Variants in ANK1 observed in about 807,000 individuals in gnomAD.
ANK1 encodes ankyrin-1.
Under a neutral mutation model 210.4 loss-of-function variants are expected in ANK1, and 51 were observed. The observed-to-expected ratio is 0.24, with a 90% CI of 0.19 to 0.31. The LOEUF (loss-of-function observed/expected upper bound fraction) is 0.31. Ranked by LOEUF, ANK1 falls within the 10% of genes least tolerant of loss-of-function variation. ANK1 has a pLI of 1.00. For synonymous variants in ANK1, 967 were observed against 1,025.9 expected (o/e 0.94, Z 1.10); for missense variants, 2,051 against 2,504.4 (o/e 0.82, Z 3.86).
chr8:41,717,162 G>A, intron 12 of ANK1, 111 bp from the exon 13 acceptor site: 3 of 1,137,926 alleles, frequency 2.6e-6, no homozygotes, highest in South Asian at 2.5e-5. Context: ...TTGTCCAAGA[G>A]GTGGAGTTGC....
chr8:41,887,031 C>A (rs1432118174), intron 1 of ANK1, among the ~76,000 whole-genome samples: 2 of 152,168 alleles, frequency 1.3e-5, no homozygotes, highest in Non-Finnish European at 2.9e-5. Context: ...CATTCCGTTA[C>A]CTACTTGGCT....
chr8:41,788,096 TG>T (rs1391929437), intron 1 of ANK1, among the ~76,000 whole-genome samples: 2 of 152,194 alleles, frequency 1.3e-5, no homozygotes, highest in East Asian at 3.8e-4. Context: ...ATTCCAATGT[TG>T]TTTAATCAGC....
At chr8:41,820,440 C>T (rs977446661) in intron 1 of ANK1, among the ~76,000 whole-genome samples, 4 of 150,664 alleles carry the variant, frequency 2.7e-5, no homozygotes, top group African/African-American at 9.8e-5. Flanking sequence ...AAGCAATCCT[C>T]CCACCTGGGT....
At chr8:41,782,506 G>C (rs138267525) in intron 1 of ANK1, among the ~76,000 whole-genome samples, 121 of 152,228 alleles carry the variant, frequency 7.9e-4, no homozygotes, top group Non-Finnish European at 1.6e-3. Context: ...TTCCCAGAGG[G>C]AGCAGCGTAC....
chr8:41,880,307 C>T (rs1817353664), intron 1 of ANK1, among the ~76,000 whole-genome samples: 1 of 152,170 alleles, frequency 6.6e-6, no homozygotes, highest in South Asian at 2.1e-4. Flanking sequence ...CTGCCAGGTC[C>T]TGCACAGTAA....
At chr8:41,794,455 G>A (rs551630041) in intron 1 of ANK1, among the ~76,000 whole-genome samples, 25 of 152,192 alleles carry the variant, frequency 1.6e-4, no homozygotes, top group African/African-American at 5.3e-4. Flanking sequence ...TTCAGTTGCA[G>A]AACTCCCCAC....
chr8:41,705,713 C>A (rs1824378401), intron 18 of ANK1, among the ~76,000 whole-genome samples: 1 of 152,204 alleles, frequency 6.6e-6, no homozygotes, highest in Non-Finnish European at 1.5e-5. Flanking sequence ...CACCTCCACA[C>A]CAAACTGCAG....
chr8:41,658,412 G>T (rs990916300), intron 42 of ANK1, among the ~76,000 whole-genome samples: 22 of 152,098 alleles, frequency 1.4e-4, no homozygotes, highest in African/African-American at 4.8e-4. Flanking sequence ...CCTTTTTCTT[G>T]AAGTGTAGCA....
chr8:41,747,498 C>T (rs1048209645), intron 2 of ANK1, among the ~76,000 whole-genome samples: 6 of 152,138 alleles, frequency 3.9e-5, no homozygotes, highest in African/African-American at 1.2e-4. Flanking sequence ...CATTTATCTG[C>T]GCTTGTGCCT....
rs186477763 is a variant in ANK1 at position 41,813,767 on chromosome 8, C to T, written c.127-55630G>A. ...TACCTGTAGATTGGGGTGAATTCCT[C>T]TCTTTTCAAGATCCCTAAAATATTC... On this transcript the variant is annotated intron_variant, in intron 1 of 42. Transcript: ENST00000265709. 2.5e-3 allele frequency among the ~76,000 whole-genome samples: 378 copies of T among 152,310 alleles called. 2 individuals are homozygous for T. The highest frequency in any genetic ancestry group is 8.7e-3 in the African/African-American group (362 of 41,568).
intron 15 of ANK1, among the ~76,000 whole-genome samples, 191 bp from the exon 16 acceptor site, chr8:41,714,445 A>C (rs74771278): frequency 6.6e-6 from 1 of 152,038 alleles, no homozygotes; most frequent in Non-Finnish European, 1.5e-5. Flanking sequence ...ACAGGGGGGA[A>C]CGTGGGCAGT....
intron 1 of ANK1, among the ~76,000 whole-genome samples, chr8:41,882,716 G>C (rs1051141954): frequency 3.9e-5 from 6 of 152,254 alleles, no homozygotes; most frequent in Admixed American, 6.5e-5. Context: ...GCACCCCACA[G>C]AACATCGCCA....
Position 41,672,583 on chromosome 8 carries a change from C to T in ANK1, c.4867G>A (p.Asp1623Asn). 6.2e-7 allele frequency: 1 copy of T among 1,614,266 alleles called. No individual in the cohort carries two copies. Among genetic ancestry groups the T allele is most frequent in the Non-Finnish European group, 8.5e-7 (1 of 1,180,052 alleles). Residue 1623 changes from aspartate to asparagine, a missense_variant, in exon 38 of 43, where the codon GAC (aspartate) becomes AAC (asparagine). Around this residue, in one of 6 missense-constraint regions of ANK1, gnomAD observed 496 missense variants for 533.4 expected, o/e 0.93. Coordinates refer to ENST00000289734, the MANE Select transcript of ANK1 (RefSeq NM_000037.4). The stretch of plus-strand genomic sequence containing the variant: ...GTGGCATCTGAATCCACTGTGTCGT[C>T]CTCCACAAGTTCCAGAGAGCCCAAC... ...PELGSLELVE[D>N]DTVDSDATNG...
intron 39 of ANK1, chr8:41,665,301 A>C: frequency 2.1e-6 from 3 of 1,430,364 alleles, no homozygotes; most frequent in Non-Finnish European, 2.8e-6. Flanking sequence ...CGCTCCTATA[A>C]TTTTACCTCC....
intron 37 of ANK1, 78 bp from the exon 38 acceptor site, chr8:41,672,990 G>A (rs1197101770): frequency 1.6e-5 from 22 of 1,382,674 alleles, no homozygotes; most frequent in South Asian, 1.5e-4. Flanking sequence ...CCACGCACAC[G>A]CACGAACACA....
At chr8:41,736,314 G>A (rs185093698) in intron 2 of ANK1, among the ~76,000 whole-genome samples, 7 of 152,344 alleles carry the variant, frequency 4.6e-5, no homozygotes, top group Non-Finnish European at 7.3e-5. Flanking sequence ...TCTTGCTTCT[G>A]CATCTTGCAA....
intron 1 of ANK1, among the ~76,000 whole-genome samples, chr8:41,817,323 C>T (rs532256543): frequency 3.3e-5 from 5 of 152,178 alleles, no homozygotes; most frequent in African/African-American, 1.2e-4. Context: ...ATGCAAGACA[C>T]TTTTGTTTCC....
intron 16 of ANK1, among the ~76,000 whole-genome samples, chr8:41,712,147 ACTCC>A (rs1826326653): frequency 6.6e-6 from 1 of 151,154 alleles, no homozygotes; most frequent in African/African-American, 2.4e-5. Flanking sequence ...ATGGTCTTGA[ACTCC>A]TGACCTCAAG....
chr8:41,877,524 C>G (rs1398559669), intron 1 of ANK1, among the ~76,000 whole-genome samples: 3 of 152,236 alleles, frequency 2.0e-5, no homozygotes, highest in Admixed American at 6.5e-5. Flanking sequence ...TATGGAGAAC[C>G]AACTGTGTGC....
Sources: allele counts gnomAD v4.1 joint callset (sites outside exome capture counted in the v4.1 genomes callset), GRCh38; gene constraint gnomAD v4.1.1; regional missense constraint gnomAD v4.1.1; transcripts MANE v1.5; gene names NCBI Gene and HGNC (gene_info 2026-07-23, HGNC 2026-07-21).